Variants in TSPAN5 observed in about 807,000 individuals in gnomAD.
The protein encoded by TSPAN5 is tetraspanin 5, also known as tetraspanin-5.
A neutral mutation model predicts 37.1 loss-of-function variants in TSPAN5; 10 were observed. That is an observed-to-expected ratio of 0.27 (90% CI 0.17 to 0.46). TSPAN5 has a LOEUF of 0.46. Ranked by LOEUF, TSPAN5 falls within the 20% of genes least tolerant of loss-of-function variation. The pLI, the probability that TSPAN5 is intolerant of heterozygous loss-of-function variation, is 1.00. For synonymous variants in TSPAN5, 110 were observed against 118.9 expected, an observed-to-expected ratio of 0.93 and a Z score of 0.48; for missense variants, 195 against 326.6, an observed-to-expected ratio of 0.60 and a Z score of 3.11.
At chr4:98,523,377 A>G (rs936608140) in intron 1 of TSPAN5, among the ~76,000 whole-genome samples, 4 of 152,252 alleles carry the variant, frequency 2.6e-5, no homozygotes, top group African/African-American at 9.6e-5. Flanking sequence ...AGAGATCAGC[A>G]AGCTTCTAAA....
At chr4:98,625,619 T>C (rs763405929) in intron 1 of TSPAN5, among the ~76,000 whole-genome samples, 1 of 152,244 alleles carries the variant, frequency 6.6e-6, no homozygotes, top group Non-Finnish European at 1.5e-5. Context: ...AAGCCAGATC[T>C]GGTCCACTCT....
chr4:98,635,388 A>G (rs745767246), intron 1 of TSPAN5, among the ~76,000 whole-genome samples: 76 of 152,322 alleles, frequency 5.0e-4, no homozygotes, highest in Non-Finnish European at 9.4e-4. Flanking sequence ...TGGAGGTACT[A>G]TCCCAACAAT....
At chr4:98,493,027 A>G (rs1182309121) in intron 2 of TSPAN5, among the ~76,000 whole-genome samples, 3 of 152,074 alleles carry the variant, frequency 2.0e-5, no homozygotes, top group Non-Finnish European at 4.4e-5. Context: ...AAATTTAAAC[A>G]TAAGTCAGGT....
intron 1 of TSPAN5, among the ~76,000 whole-genome samples, chr4:98,533,948 A>AC: frequency 7.0e-6 from 1 of 143,220 alleles, no homozygotes; most frequent in Non-Finnish European, 1.5e-5. Context: ...TTAAAAAAAA[A>AC]AAAAAAAAAA....
At chr4:98,542,838 G>A (rs1919211) in intron 1 of TSPAN5, among the ~76,000 whole-genome samples, 107,327 of 151,868 alleles carry the variant, frequency 0.71, 38,311 homozygotes, top group South Asian at 0.82. Context: ...AAAACCTCCC[G>A]ACTTAGATTA....
At chr4:98,536,304 C>A (rs577645110) in intron 1 of TSPAN5, among the ~76,000 whole-genome samples, 1 of 152,276 alleles carries the variant, frequency 6.6e-6, no homozygotes, top group South Asian at 2.1e-4. Flanking sequence ...TGCTAGAGAT[C>A]CACTCTCAGC....
intron 1 of TSPAN5, among the ~76,000 whole-genome samples, chr4:98,516,311 G>A (rs1394296263): frequency 1.3e-5 from 2 of 152,206 alleles, no homozygotes; most frequent in Non-Finnish European, 1.5e-5. Context: ...TTTCCCAAGA[G>A]TCTGGTATTG....
chr4:98,505,616 A>C (rs1213875367), intron 2 of TSPAN5, among the ~76,000 whole-genome samples: 1 of 152,192 alleles, frequency 6.6e-6, no homozygotes, highest in Non-Finnish European at 1.5e-5. Context: ...GCCAGAACTT[A>C]CCAGTATCTG....
chr4:98,602,541 A>G (rs1755905488), intron 1 of TSPAN5, among the ~76,000 whole-genome samples: 1 of 152,210 alleles, frequency 6.6e-6, no homozygotes, highest in Non-Finnish European at 1.5e-5. Flanking sequence ...TCTTCTCCAC[A>G]GATGCCTAGG....
At chr4:98,511,892 C>T (rs202034122) in intron 1 of TSPAN5, among the ~76,000 whole-genome samples, 85 of 151,432 alleles carry the variant, frequency 5.6e-4, no homozygotes, top group African/African-American at 2.0e-3. Flanking sequence ...TGTTTTAATC[C>T]CCATTTTATA....
intron 1 of TSPAN5, among the ~76,000 whole-genome samples, chr4:98,544,601 T>C (rs1172382143): frequency 6.6e-6 from 1 of 152,148 alleles, no homozygotes; most frequent in Non-Finnish European, 1.5e-5. Flanking sequence ...GGGTGTCACA[T>C]GTCTGTATTT....
intron 1 of TSPAN5, among the ~76,000 whole-genome samples, chr4:98,557,219 T>C (rs991160527): frequency 6.6e-6 from 1 of 152,200 alleles, no homozygotes; most frequent in African/African-American, 2.4e-5. Context: ...ATACACACTG[T>C]ATAGTAACAT....
At position 98,621,512 on chromosome 4, in the gene TSPAN5, C is replaced by T. The variant is rs543654156; in HGVS notation, c.81+36634G>A. 1.8e-3 allele frequency among the ~76,000 whole-genome samples: 273 copies of T among 151,980 alleles called. 1 individual carries two copies. In the Middle Eastern group the frequency reaches 0.034, roughly 19 times the overall value. On this transcript the variant is annotated intron_variant, in intron 1 of 7. Coordinates refer to ENST00000305798, the MANE Select transcript of TSPAN5 (RefSeq NM_005723.4). ...CCTCCCGAGTAGCTGGGACTACAGG[C>T]AACCGCCACCACGTCCGGCTAATTT...
chr4:98,556,241 T>C (rs1754747761), intron 1 of TSPAN5, among the ~76,000 whole-genome samples: 1 of 152,158 alleles, frequency 6.6e-6, no homozygotes, highest in Non-Finnish European at 1.5e-5. Context: ...ATGATTGTTA[T>C]ACAACTTTAG....
chr4:98,627,260 G>C (rs555762705), intron 1 of TSPAN5, among the ~76,000 whole-genome samples: 5 of 152,232 alleles, frequency 3.3e-5, no homozygotes, highest in Non-Finnish European at 5.9e-5. Context: ...ATGACAGCTG[G>C]GTATGAGTGA....
intron 1 of TSPAN5, among the ~76,000 whole-genome samples, chr4:98,649,229 C>T (rs1757132054): frequency 6.6e-6 from 1 of 152,056 alleles, no homozygotes; most frequent in African/African-American, 2.4e-5. Context: ...CCAAGCTTTT[C>T]TGGAGGAAAG....
At chr4:98,654,777 G>T (rs1757261725) in intron 1 of TSPAN5, among the ~76,000 whole-genome samples, 1 of 152,232 alleles carries the variant, frequency 6.6e-6, no homozygotes, top group Non-Finnish European at 1.5e-5. Context: ...ACAGTGGGGA[G>T]AGAGAAGCAC....
At chr4:98,515,122 C>A (rs1753700887) in intron 1 of TSPAN5, among the ~76,000 whole-genome samples, 1 of 152,134 alleles carries the variant, frequency 6.6e-6, no homozygotes, top group Non-Finnish European at 1.5e-5. Context: ...GAGGCACAGC[C>A]ACCAAGTGGC....
intron 1 of TSPAN5, among the ~76,000 whole-genome samples, chr4:98,623,838 C>T (rs931549567): frequency 3.9e-5 from 6 of 152,102 alleles, no homozygotes; most frequent in African/African-American, 1.4e-4. Flanking sequence ...TGCACACATA[C>T]ATATATACAA....
Sources: gnomAD v4.1 joint callset for allele counts (sites outside exome capture counted in the v4.1 genomes callset) on GRCh38, gnomAD v4.1.1 for gene constraint, MANE v1.5 for transcripts, NCBI Gene and HGNC (gene_info 2026-07-23, HGNC 2026-07-21) for gene names.